WASF3: variants seen among roughly 807,000 people sequenced by gnomAD.
WASF3 encodes actin-binding protein WASF3.
Under a neutral mutation model 46.6 loss-of-function variants are expected in WASF3, and 11 were observed. The ratio of observed to expected loss-of-function variants is 0.24; its 90% confidence interval spans 0.15 to 0.39. WASF3 has a LOEUF of 0.39. Among genes scored for constraint, WASF3 ranks in the 10% least tolerant of loss-of-function variants. WASF3 has a pLI of 1.00. For synonymous variants in WASF3, 242 were observed against 259.7 expected (o/e 0.93, Z 0.65); for missense variants, 576 against 669.8 (o/e 0.86, Z 1.55).
At chr13:26,549,006 G>A in the WASF3 span, among the ~76,000 whole-genome samples, 1 of 143,500 alleles carries the variant, frequency 7.0e-6, no homozygotes, top group East Asian at 2.0e-4. Flanking sequence ...TTTTTTAGAT[G>A]GAGTCTTGCT....
At chr13:26,626,223 AC>A (rs1881459319) in intron 2 of WASF3, 1 of 152,320 alleles carries the variant, frequency 6.6e-6, no homozygotes, top group Non-Finnish European at 1.5e-5. Flanking sequence ...ATGGAAAAGT[AC>A]TAAGAGGAGG....
intron 2 of WASF3, among the ~76,000 whole-genome samples, chr13:26,629,364 A>G (rs577638493): frequency 7.0e-6 from 1 of 143,570 alleles, no homozygotes; most frequent in African/African-American, 2.4e-5. Flanking sequence ...TACCTTGACC[A>G]TACAACCAGG....
At chr13:26,645,637 C>T (rs1260150350) in intron 3 of WASF3, among the ~76,000 whole-genome samples, 2 of 151,862 alleles carry the variant, frequency 1.3e-5, no homozygotes, top group African/African-American at 4.8e-5. Flanking sequence ...CTGTTTTAAT[C>T]TACTATTCTT....
upstream of WASF3, chr13:26,557,600 T>A (rs1387426559): frequency 6.4e-6 from 1 of 156,098 alleles, no homozygotes; most frequent in Non-Finnish European, 1.4e-5. Context: ...CCCCGTGAGT[T>A]GGCCCTGGTT....
At chr13:26,643,732 T>C (rs1454533219) in intron 3 of WASF3, among the ~76,000 whole-genome samples, 1 of 152,224 alleles carries the variant, frequency 6.6e-6, no homozygotes, top group Non-Finnish European at 1.5e-5. Flanking sequence ...CGACATAAAC[T>C]GTCAGAGTTT....
At chr13:26,580,873 G>A (rs569547) in intron 1 of WASF3, among the ~76,000 whole-genome samples, 148,720 of 150,564 alleles carry the variant, frequency 0.99, 73,473 homozygotes, top group East Asian at 1. Flanking sequence ...GATCTGCCCA[G>A]CTCGGCCTCC....
chr13:26,540,145 G>A, the WASF3 span, among the ~76,000 whole-genome samples: 2 of 152,140 alleles, frequency 1.3e-5, no homozygotes, highest in East Asian at 1.9e-4. Flanking sequence ...GCCCTAGAAG[G>A]ACTGACCATC....
At chr13:26,643,517 T>G (rs968344606) in intron 3 of WASF3, among the ~76,000 whole-genome samples, 8 of 152,214 alleles carry the variant, frequency 5.3e-5, no homozygotes. Context: ...AAAATAAAAT[T>G]TTCCTGGAAT....
chr13:26,565,212 A>T (rs1010956125), intron 1 of WASF3, among the ~76,000 whole-genome samples: 1 of 150,546 alleles, frequency 6.6e-6, no homozygotes, highest in Non-Finnish European at 1.5e-5. Flanking sequence ...ATTAATGTTT[A>T]TAGAAGGGCT....
rs138777499 is a variant in WASF3 at position 26,680,971 on chromosome 13, T to G, written c.717-83T>G. ...GATTTTTGTGTATTAGCAATGTTAT[T>G]ATTCAAATACATCCATGTGCCTGTT... On this transcript the variant is annotated intron_variant, in intron 7 of 9. Coordinates refer to ENST00000335327, the MANE Select transcript of WASF3 (RefSeq NM_006646.6). 154 of 1,497,116 alleles carry G rather than the reference T, an allele frequency of 1.0e-4. 1 individual carries two copies. In the African/African-American group the frequency reaches 1.6e-3, roughly 15 times the overall value. 92.7% of individuals were successfully genotyped at this position (1,497,116 alleles called of 1,614,324 possible).
rs142499631 is a variant in WASF3 at position 26,597,707 on chromosome 13, C to T, written c.-108-15254C>T. 9.0e-3 allele frequency among the ~76,000 whole-genome samples: 1,368 copies of T among 152,158 alleles called. 11 individuals are homozygous for T. Among genetic ancestry groups the T allele is most frequent in the Middle Eastern group, 0.017 (5 of 292 alleles). ...TTCAATTCCCACCTATGAGTGAGAA[C>T]GTGCGGTGTTTGGTTTTTTGTCCTT... On this transcript the variant is annotated intron_variant, in intron 1 of 9. Coordinates refer to ENST00000335327, the MANE Select transcript of WASF3 (RefSeq NM_006646.6).
At chr13:26,545,376 G>A in the WASF3 span, among the ~76,000 whole-genome samples, 3 of 151,832 alleles carry the variant, frequency 2.0e-5, no homozygotes, top group Non-Finnish European at 4.4e-5. Flanking sequence ...GTTTTCCCTT[G>A]TAATGTTATT....
chr13:26,649,626 T>C (rs370129469), intron 3 of WASF3, among the ~76,000 whole-genome samples: 4 of 152,160 alleles, frequency 2.6e-5, no homozygotes, highest in Non-Finnish European at 5.9e-5. Flanking sequence ...TGGAGGCTCA[T>C]TGAGGACAAG....
intron 2 of WASF3, among the ~76,000 whole-genome samples, chr13:26,630,100 A>G (rs1881604749): frequency 6.6e-6 from 1 of 152,122 alleles, no homozygotes; most frequent in Admixed American, 6.5e-5. Context: ...TACCTCAGCA[A>G]TAATGTTTAC....
At chr13:26,540,255 T>A in the WASF3 span, among the ~76,000 whole-genome samples, 1 of 152,142 alleles carries the variant, frequency 6.6e-6, no homozygotes, top group African/African-American at 2.4e-5. Context: ...AAATCTGCCA[T>A]TCATCCCCCT....
chr13:26,643,637 G>A lies in WASF3; in HGVS notation c.133+1234G>A, dbSNP rs570511225. 7.2e-5 allele frequency among the ~76,000 whole-genome samples: 11 copies of A among 152,280 alleles called. 1 individual carries two copies. In the South Asian group the frequency reaches 1.0e-3, roughly 14 times the overall value. Reference sequence around the variant, plus strand: ...TATTGAAGGGTAAAATTGTTTTTGCGTGTATTTATTTTTGTAGGAATGCTT... The same window carrying A: ...TATTGAAGGGTAAAATTGTTTTTGCATGTATTTATTTTTGTAGGAATGCTT... On this transcript the variant is annotated intron_variant, in intron 3 of 9. Coordinates refer to ENST00000335327, the MANE Select transcript of WASF3 (RefSeq NM_006646.6).
At chr13:26,615,378 G>A (rs969531290) in intron 2 of WASF3, among the ~76,000 whole-genome samples, 3 of 151,844 alleles carry the variant, frequency 2.0e-5, no homozygotes, top group East Asian at 1.9e-4. Flanking sequence ...GTATAATCTC[G>A]GCTCACTGCA....
At chr13:26,658,086 T>C (rs553223455) in intron 3 of WASF3, among the ~76,000 whole-genome samples, 2 of 151,694 alleles carry the variant, frequency 1.3e-5, no homozygotes, top group African/African-American at 4.8e-5. Context: ...TCAACAATAG[T>C]TGGTGTGCTT....
At chr13:26,647,285 A>G (rs1198886096) in intron 3 of WASF3, among the ~76,000 whole-genome samples, 4 of 152,098 alleles carry the variant, frequency 2.6e-5, no homozygotes, top group African/African-American at 9.7e-5. Context: ...TTTTTCTTTG[A>G]GTGTTACTTC....
Sources: allele counts gnomAD v4.1 joint callset (sites outside exome capture counted in the v4.1 genomes callset), GRCh38; gene constraint gnomAD v4.1.1; transcripts MANE v1.5; gene names NCBI Gene and HGNC (gene_info 2026-07-23, HGNC 2026-07-21).